Variants in THADA observed in about 807,000 individuals in gnomAD.
THADA encodes THADA armadillo repeat containing.
A neutral mutation model predicts 219.8 loss-of-function variants in THADA; 213 were observed. That is an observed-to-expected ratio of 0.97 (90% CI 0.87 to 1.09). THADA has a LOEUF of 1.09. THADA is among the 50% of genes least tolerant of loss of function. THADA has a pLI of 0.00. For synonymous variants in THADA, 1,018 were observed against 828.9 expected (o/e 1.23, Z -3.92); for missense variants, 2,956 against 2,311.3 (o/e 1.28, Z -5.72).
At chr2:43,544,198 T>C (rs192231705) in intron 20 of THADA, among the ~76,000 whole-genome samples, 7 of 152,318 alleles carry the variant, frequency 4.6e-5, no homozygotes, top group Middle Eastern at 3.4e-3. Flanking sequence ...AGAGTGGCGT[T>C]ATTTCTGAGG....
At chr2:43,502,397 C>A (rs933645022) in intron 24 of THADA, among the ~76,000 whole-genome samples, 1 of 152,022 alleles carries the variant, frequency 6.6e-6, no homozygotes, top group African/African-American at 2.4e-5. Context: ...CTAGCCTGGT[C>A]AACATGGCAA....
chr2:43,513,022 C>T (rs890983805), intron 22 of THADA, among the ~76,000 whole-genome samples: 1 of 152,096 alleles, frequency 6.6e-6, no homozygotes, highest in Admixed American at 6.5e-5. Flanking sequence ...ATTATGGACC[C>T]GTGTTATCTG....
Position 43,231,113 on chromosome 2 carries a change from C to T in THADA, c.5697G>A (p.Val1899=). The T allele has an allele frequency of 6.2e-7, 1 of 1,613,906 alleles. No individual in the cohort carries two copies. The highest frequency in any genetic ancestry group is 8.5e-7 in the Non-Finnish European group (1 of 1,179,870). The change falls in exon 38 of 38, where the codon GTG becomes GTA. Residue 1899 remains valine (V), a synonymous_variant. Coordinates refer to ENST00000405975, the MANE Select transcript of THADA (RefSeq NM_022065.5). The stretch of plus-strand genomic sequence containing the variant: ...CTTGAATGCGTAGTCTTGTGAACTC[C>T]ACTGTCTTCACAAACTCAGCAGCTG... ...LPPAAEFVKT[V]EFTRLRIQEE...
intron 36 of THADA, among the ~76,000 whole-genome samples, chr2:43,242,245 AG>A (rs1558455542): frequency 1.3e-5 from 2 of 152,254 alleles, no homozygotes; most frequent in Non-Finnish European, 2.9e-5. Flanking sequence ...CCACCCGCTT[AG>A]CACTTGACTG....
intron 22 of THADA, 50 bp from the exon 23 acceptor site, chr2:43,508,830 A>C: frequency 6.3e-6 from 10 of 1,577,282 alleles, no homozygotes; most frequent in Non-Finnish European, 8.7e-6. Flanking sequence ...CAAAGTTAAA[A>C]GTACAAACTA....
rs778660975 is a variant in THADA at position 43,430,298 on chromosome 2, T to C, written c.3841A>G (p.Thr1281Ala). The change falls in exon 27 of 38, where the codon ACA becomes GCA. Residue 1281 changes from threonine to alanine, a missense_variant. Thr to Ala is a moderately conservative substitution (Grantham distance 58, BLOSUM62 0). Transcript: ENST00000405975. Reference sequence around the variant, plus strand: ...AAACGAGAGAAAAACTCTCTCCCTGTCATTCTGTGAAAGAAGGAGGAAAAA... The same window carrying C: ...AAACGAGAGAAAAACTCTCTCCCTGCCATTCTGTGAAAGAAGGAGGAAAAA... The part of the protein sequence containing the change: ...KDEHSKTNRM[T>A]GREFFSRFPE... 3.3e-6 allele frequency: 5 copies of C among 1,536,424 alleles called. No homozygotes were observed. Among genetic ancestry groups the C allele is most frequent in the Non-Finnish European group, 4.4e-6 (5 of 1,140,282 alleles).
chr2:43,594,718 C>T (rs201283551), intron 1 of THADA, among the ~76,000 whole-genome samples: 1 of 152,218 alleles, frequency 6.6e-6, no homozygotes, highest in Non-Finnish European at 1.5e-5. Flanking sequence ...GAGCTTTGTA[C>T]TTCCTGATGC....
At chr2:43,514,881 GTATAA>G (rs1488991016) in intron 22 of THADA, among the ~76,000 whole-genome samples, 2 of 58,434 alleles carry the variant, frequency 3.4e-5, no homozygotes, top group Non-Finnish European at 5.4e-5. Flanking sequence ...TGTATAATAT[GTATAA>G]TATATATTTT....
intron 26 of THADA, among the ~76,000 whole-genome samples, chr2:43,477,100 TC>T (rs1685640477): frequency 6.6e-6 from 1 of 152,218 alleles, no homozygotes; most frequent in Non-Finnish European, 1.5e-5. Context: ...AAGATATATC[TC>T]AAATATATAT....
At chr2:43,541,094 T>TAA in intron 21 of THADA, 65 bp downstream of exon 21, 12 of 1,192,620 alleles carry the variant, frequency 1.0e-5, no homozygotes, top group South Asian at 3.9e-5. Context: ...AGTTGGGTTA[T>TAA]AAAAAAAAAA....
intron 26 of THADA, among the ~76,000 whole-genome samples, chr2:43,434,747 T>A (rs1213015438): frequency 2.6e-5 from 4 of 152,200 alleles, no homozygotes; most frequent in Non-Finnish European, 5.9e-5. Context: ...CCTGGACTAA[T>A]TCTCCAAGCC....
At chr2:43,464,239 T>A (rs1479037765) in intron 26 of THADA, among the ~76,000 whole-genome samples, 2 of 152,192 alleles carry the variant, frequency 1.3e-5, no homozygotes, top group African/African-American at 2.4e-5. Flanking sequence ...ATAGTAGCTT[T>A]GAGCAACTAT....
Position 43,541,260 on chromosome 2 carries a change from T to C in THADA, c.3163A>G (p.Arg1055Gly). The change falls in exon 21 of 38, where the codon AGA becomes GGA. Residue 1055 changes from arginine to glycine, a missense_variant. Arg to Gly is a moderately radical substitution (Grantham distance 125, BLOSUM62 -2). Transcript: ENST00000405975. The part of the protein sequence containing the change: ...TAQMVLVCCW[R>G]SMKEVALLLG... Reference sequence around the variant, plus strand: ...AGTAAAGCAACTTCCTTCATACTTCTCCAACAACATACCAGCACCATCTGC... The same window carrying C: ...AGTAAAGCAACTTCCTTCATACTTCCCCAACAACATACCAGCACCATCTGC... 6.2e-7 allele frequency: 1 copy of C among 1,612,988 alleles called. No homozygotes were observed. Among genetic ancestry groups the C allele is most frequent in the Non-Finnish European group, 8.5e-7 (1 of 1,179,500 alleles).
chr2:43,366,728 C>G (rs1448640278), intron 29 of THADA, among the ~76,000 whole-genome samples: 1 of 152,136 alleles, frequency 6.6e-6, no homozygotes, highest in African/African-American at 2.4e-5. Context: ...ATGGTAGCTC[C>G]TCAAAACATT....
intron 22 of THADA, among the ~76,000 whole-genome samples, chr2:43,521,211 G>C (rs1692432507): frequency 6.6e-6 from 1 of 151,398 alleles, no homozygotes; most frequent in South Asian, 2.1e-4. Context: ...AAGGAAAGAG[G>C]GCAGGAGGGC....
At chr2:43,351,725 C>T (rs994550976) in intron 29 of THADA, among the ~76,000 whole-genome samples, 1 of 152,216 alleles carries the variant, frequency 6.6e-6, no homozygotes, top group African/African-American at 2.4e-5. Flanking sequence ...AGAACAGAAG[C>T]TGCATTTGCA....
At chr2:43,495,328 T>C (rs1385686904) in intron 25 of THADA, among the ~76,000 whole-genome samples, 2 of 152,092 alleles carry the variant, frequency 1.3e-5, no homozygotes, top group Admixed American at 6.5e-5. Flanking sequence ...GTTTCCTTCA[T>C]AAAGTGTTAA....
chr2:43,314,295 C>T (rs1274328977), intron 31 of THADA, among the ~76,000 whole-genome samples: 2 of 151,306 alleles, frequency 1.3e-5, no homozygotes, highest in Admixed American at 1.3e-4. Flanking sequence ...ATTACACATA[C>T]ACATAATTAT....
chr2:43,302,476 T>C (rs1295105872), intron 31 of THADA, among the ~76,000 whole-genome samples: 1 of 151,834 alleles, frequency 6.6e-6, no homozygotes, highest in Non-Finnish European at 1.5e-5. Flanking sequence ...TTTCACTCTT[T>C]GGAGCAAGTA....
Sources: gnomAD v4.1 joint callset for allele counts (sites outside exome capture counted in the v4.1 genomes callset) on GRCh38, gnomAD v4.1.1 for gene constraint, MANE v1.5 for transcripts, NCBI Gene and HGNC (gene_info 2026-07-23, HGNC 2026-07-21) for gene names.